PDE7B: variants seen among roughly 807,000 people sequenced by gnomAD.
PDE7B encodes phosphodiesterase 7B.
A neutral mutation model predicts 56.2 loss-of-function variants in PDE7B; 29 were observed. That is an observed-to-expected ratio of 0.52 (90% confidence interval 0.38 to 0.70). The LOEUF (loss-of-function observed/expected upper bound fraction) is 0.70. PDE7B is among the 30% of genes least tolerant of loss of function. The probability of loss-of-function intolerance (pLI) is 0.00; values close to 1 mark genes in which losing one functional copy is unlikely to be tolerated. For synonymous variants in PDE7B, 197 were observed against 196.9 expected (o/e 1.00, Z 0.00); for missense variants, 490 against 565.0 (o/e 0.87, Z 1.35).
At chr6:135,855,524 T>C (rs1370211169) in intron 1 of PDE7B, among the ~76,000 whole-genome samples, 1 of 152,202 alleles carries the variant, frequency 6.6e-6, no homozygotes, top group Non-Finnish European at 1.5e-5. Flanking sequence ...TATATGATGA[T>C]CTATAATGTG....
At chr6:135,999,615 A>G (rs1775630315) in intron 2 of PDE7B, among the ~76,000 whole-genome samples, 1 of 152,110 alleles carries the variant, frequency 6.6e-6, no homozygotes, top group African/African-American at 2.4e-5. Context: ...ATGGCTGCAT[A>G]GTATTCCATT....
At chr6:135,987,133 G>T (rs749516011) in intron 2 of PDE7B, among the ~76,000 whole-genome samples, 1 of 152,172 alleles carries the variant, frequency 6.6e-6, no homozygotes, top group Non-Finnish European at 1.5e-5. Flanking sequence ...ACAACAAAGT[G>T]ATCCTTAACT....
chr6:136,167,334 T>C (rs978517682), intron 8 of PDE7B, among the ~76,000 whole-genome samples: 19 of 152,132 alleles, frequency 1.2e-4, no homozygotes, highest in African/African-American at 4.6e-4. Flanking sequence ...CCAAATCTCA[T>C]CTTAAATTCT....
chr6:136,018,221 C>T (rs190214413), intron 2 of PDE7B, among the ~76,000 whole-genome samples: 6 of 152,222 alleles, frequency 3.9e-5, no homozygotes, highest in Admixed American at 3.9e-4. Context: ...TACCTTCAGT[C>T]CCAAGTAGCA....
At chr6:135,929,139 AATCCAGTAT>A (rs1274744409) in intron 1 of PDE7B, among the ~76,000 whole-genome samples, 14 of 152,206 alleles carry the variant, frequency 9.2e-5, no homozygotes, top group Admixed American at 8.5e-4. Context: ...ACGGTGAAAG[AATCCAGTAT>A]ATCAAGTCAT....
At chr6:136,108,694 T>A (rs747394770) in intron 2 of PDE7B, 37 bp from the exon 3 acceptor site, 2 of 1,343,754 alleles carry the variant, frequency 1.5e-6, no homozygotes, top group Non-Finnish European at 2.1e-6. Flanking sequence ...CACGTGGCAA[T>A]GTTTTCAAGC....
intron 2 of PDE7B, among the ~76,000 whole-genome samples, chr6:135,992,189 T>C (rs1026157766): frequency 3.4e-5 from 5 of 146,926 alleles, no homozygotes; most frequent in South Asian, 2.2e-4. Context: ...AATACACTAA[T>C]ACTAATGATA....
intron 3 of PDE7B, among the ~76,000 whole-genome samples, chr6:136,139,188 C>A (rs1385580030): frequency 6.6e-6 from 1 of 152,130 alleles, no homozygotes; most frequent in Non-Finnish European, 1.5e-5. Flanking sequence ...TCTCATTGTT[C>A]AATTCCCACC....
At chr6:136,011,724 A>T (rs1771915934) in intron 2 of PDE7B, among the ~76,000 whole-genome samples, 1 of 152,164 alleles carries the variant, frequency 6.6e-6, no homozygotes, top group African/African-American at 2.4e-5. Flanking sequence ...ATAGTTGCTA[A>T]CCTGATGAAA....
intron 8 of PDE7B, chr6:136,156,128 G>A: frequency 2.7e-6 from 1 of 363,974 alleles, no homozygotes; most frequent in South Asian, 2.1e-5. Context: ...CTCTGGCCTT[G>A]TCCCTGTAAG....
chr6:135,902,565 A>G (rs780366737), intron 1 of PDE7B, among the ~76,000 whole-genome samples: 20 of 152,222 alleles, frequency 1.3e-4, no homozygotes, highest in Non-Finnish European at 2.4e-4. Context: ...GCCTCTGCTT[A>G]ATTTCAATAT....
chr6:136,194,541 CTT>C lies in PDE7B; in HGVS notation c.*2707_*2708del, dbSNP rs1472387846. 1 of 152,260 alleles carries C rather than the reference CTT, an allele frequency of 6.6e-6. No individual in the cohort carries two copies. Among genetic ancestry groups the C allele is most frequent in the Admixed American group, 6.5e-5 (1 of 15,290 alleles). The allele number at this position is 152,260 out of a possible 1,614,324, so 9.4% of individuals were successfully genotyped here. ...AAAGAAAAAGAATGTGAAAATGTCT[CTT>C]TTTTTCTTGGCTATTAGTGGCTGTC... is the stretch of plus-strand genomic sequence containing the variant. On this transcript the variant is annotated 3_prime_UTR_variant, in exon 13 of 13. Transcript: ENST00000308191.
intron 2 of PDE7B, among the ~76,000 whole-genome samples, chr6:135,989,549 G>T (rs954222447): frequency 9.2e-5 from 14 of 152,234 alleles, no homozygotes; most frequent in African/African-American, 2.9e-4. Context: ...AGGAGGCAGA[G>T]GTTGTGGTGA....
chr6:135,885,855 T>C (rs944632568), intron 1 of PDE7B, among the ~76,000 whole-genome samples: 1 of 152,150 alleles, frequency 6.6e-6, no homozygotes, highest in Non-Finnish European at 1.5e-5. Context: ...GTCCAATCAG[T>C]TGTTTCTCAT....
At chr6:135,934,967 A>G (rs867502329) in intron 1 of PDE7B, among the ~76,000 whole-genome samples, 1,491 of 62,870 alleles carry the variant, frequency 0.024, 52 homozygotes, top group Middle Eastern at 0.051. Flanking sequence ...TAATATATAT[A>G]TTTCTCTATA....
At chr6:135,891,666 G>A (rs960508035) in intron 1 of PDE7B, among the ~76,000 whole-genome samples, 4 of 152,092 alleles carry the variant, frequency 2.6e-5, no homozygotes, top group African/African-American at 7.2e-5. Flanking sequence ...CATTCATTTG[G>A]GTGTGGAATG....
chr6:136,151,025 G>A (rs1778503512), intron 5 of PDE7B, 135 bp from the exon 6 acceptor site: 1 of 568,402 alleles, frequency 1.8e-6, no homozygotes, highest in Admixed American at 3.2e-5. Flanking sequence ...CTCTATCCTT[G>A]AATAATTTCA....
chr6:136,090,755 C>G (rs1267558069), intron 2 of PDE7B, among the ~76,000 whole-genome samples: 1 of 152,168 alleles, frequency 6.6e-6, no homozygotes, highest in East Asian at 1.9e-4. Flanking sequence ...GTTTTCACCA[C>G]AGATGCCCTA....
intron 2 of PDE7B, among the ~76,000 whole-genome samples, chr6:136,081,516 A>G (rs1228129257): frequency 6.6e-6 from 1 of 152,350 alleles, no homozygotes; most frequent in East Asian, 1.9e-4. Flanking sequence ...ACACACAAAC[A>G]TTCCTAAGAC....
Sources: allele counts gnomAD v4.1 joint callset (sites outside exome capture counted in the v4.1 genomes callset), GRCh38; gene constraint gnomAD v4.1.1; transcripts MANE v1.5; gene names NCBI Gene and HGNC (gene_info 2026-07-23, HGNC 2026-07-21).